Variants in SH3TC2 observed in about 807,000 individuals in gnomAD.
SH3TC2 encodes SH3 domain and tetratricopeptide repeats 2, also known as SH3 domain and tetratricopeptide repeat-containing protein 2.
In SH3TC2, 87 loss-of-function variants were observed where a neutral mutation model predicts 124.5. The ratio of observed to expected loss-of-function variants is 0.70; its 90% CI spans 0.59 to 0.84. SH3TC2 has a LOEUF of 0.84. Among genes scored for constraint, SH3TC2 ranks in the 40% least tolerant of loss-of-function variants. SH3TC2 has a pLI of 0.00. For missense variants in SH3TC2, 1,536 were observed against 1,566.4 expected, an observed-to-expected ratio of 0.98 and a Z score of 0.33; for synonymous variants, 634 against 628.5, an observed-to-expected ratio of 1.01 and a Z score of -0.13.
chr5:149,028,711 A>T lies in SH3TC2; in HGVS notation c.1143T>A (p.Phe381Leu), dbSNP rs1486345646. 6.2e-7 allele frequency: 1 copy of T among 1,614,040 alleles called. No individual in the cohort carries two copies. The highest frequency in any genetic ancestry group is 1.7e-5 in the Admixed American group (1 of 60,010). ...CATTTGGAGGATTCTGGATGGATTCAAACCCACCTAAGTAGAGATGAAGAA... is the reference window on the plus strand; with the variant it reads ...CATTTGGAGGATTCTGGATGGATTCTAACCCACCTAAGTAGAGATGAAGAA... ...DITSVYRLSGFESIQNPPNDL... is the reference protein window; with the variant it reads ...DITSVYRLSGLESIQNPPNDL... The change falls in exon 10 of 17, where the codon TTT becomes TTA. Residue 381 changes from phenylalanine (F) to leucine (L), a missense_variant. Phe to Leu is a conservative substitution (Grantham distance 22). This residue lies in a region of SH3TC2 where 1,102 missense variants were observed against 1,098.6 expected (regional missense o/e 1.00). Coordinates refer to ENST00000515425, the MANE Select transcript of SH3TC2 (RefSeq NM_024577.4).
intron 2 of SH3TC2, 75 bp downstream of exon 2, chr5:149,052,067 T>G: frequency 1.9e-6 from 2 of 1,065,174 alleles, no homozygotes; most frequent in Non-Finnish European, 2.9e-6. Context: ...GAGGGGCTCT[T>G]TAGATGGGAA....
intron 12 of SH3TC2, among the ~76,000 whole-genome samples, chr5:149,022,973 C>T (rs1024794268): frequency 6.6e-6 from 1 of 152,172 alleles, no homozygotes; most frequent in African/African-American, 2.4e-5. Flanking sequence ...GTGATGGTTA[C>T]ACAACTGTGT....
rs1753261892 is a variant in SH3TC2 at position 148,982,243 on chromosome 5, C to CT, written c.*22467dup. On this transcript the variant is annotated 3_prime_UTR_variant, in exon 17 of 17. Coordinates refer to ENST00000515425, the MANE Select transcript of SH3TC2 (RefSeq NM_024577.4). ...AAACACTCAAAGACAACATTAGTAA[C>CT]TGGCTGTGTTGGGGAGGGCCTGAGG... 6.6e-6 allele frequency among the ~76,000 whole-genome samples: 1 copy of CT among 152,028 alleles called. No homozygotes were observed. The highest frequency in any genetic ancestry group is 2.4e-5 in the African/African-American group (1 of 41,398).
At chr5:149,030,683 C>T (rs1754175572) in intron 9 of SH3TC2, among the ~76,000 whole-genome samples, 1 of 152,246 alleles carries the variant, frequency 6.6e-6, no homozygotes. Flanking sequence ...ACGGACATAG[C>T]TCTCAACTCC....
chr5:149,029,385 G>A (rs1019160071), intron 9 of SH3TC2, among the ~76,000 whole-genome samples: 3 of 152,188 alleles, frequency 2.0e-5, no homozygotes, highest in Non-Finnish European at 4.4e-5. Context: ...GACCTTTGGG[G>A]TTTGAGGTAG....
rs185251230 is a variant in SH3TC2 at position 148,986,235 on chromosome 5, A to T, written c.*18476T>A. On this transcript the variant is annotated 3_prime_UTR_variant, in exon 17 of 17. Coordinates refer to ENST00000515425, the MANE Select transcript of SH3TC2 (RefSeq NM_024577.4). The stretch of plus-strand genomic sequence containing the variant: ...TTTTTGTAAGAACAAGAGAAAAAAA[A>T]TGTATCTGAAATCAGAAAGCAATTA... Among the ~76,000 whole-genome samples the T allele has an allele frequency of 6.6e-6, 1 of 151,742 alleles. No individual in the cohort carries two copies. The highest frequency in any genetic ancestry group is 1.9e-4 in the East Asian group (1 of 5,204).
At chr5:149,034,537 A>G in intron 8 of SH3TC2, 1 of 389,280 alleles carries the variant, frequency 2.6e-6, no homozygotes, top group Non-Finnish European at 5.1e-6. Context: ...AAAATAAATA[A>G]ATATAATATC....
At chr5:149,037,509 T>C (rs1754302513) in intron 8 of SH3TC2, among the ~76,000 whole-genome samples, 1 of 152,220 alleles carries the variant, frequency 6.6e-6, no homozygotes, top group Non-Finnish European at 1.5e-5. Context: ...AGAGAAAGAA[T>C]TTAAGTCTCT....
Position 149,010,257 on chromosome 5 carries a change from A to C in SH3TC2, c.3327+13T>G. 1 of 1,614,194 alleles carries C rather than the reference A, an allele frequency of 6.2e-7. No homozygotes were observed. The highest frequency in any genetic ancestry group is 1.7e-5 in the Admixed American group (1 of 60,026). On this transcript the variant is annotated intron_variant, in intron 14 of 16. Transcript: ENST00000515425. The stretch of plus-strand genomic sequence containing the variant: ...CAGGACCTGTCTCAGCAAACTGCAC[A>C]GCTTGGACTTACTCGGTAGTACTCC...
At chr5:149,060,995 G>C (rs1371738985) in intron 1 of SH3TC2, among the ~76,000 whole-genome samples, 2 of 152,138 alleles carry the variant, frequency 1.3e-5, no homozygotes, top group South Asian at 4.1e-4. Context: ...TATCCAGATC[G>C]ACTGGACTTG....
rs375034766 is a variant in SH3TC2, at chr5:149,027,240, C to T, written c.2492G>A (p.Ser831Asn). 143 of 1,614,078 alleles carry T rather than the reference C, an allele frequency of 8.9e-5. No individual in the cohort carries two copies. The highest frequency in any genetic ancestry group is 1.0e-4 in the Non-Finnish European group (121 of 1,180,038). ...PLLCSLKETESLTQRGVIYNL... is the reference protein window; with the variant it reads ...PLLCSLKETENLTQRGVIYNL... The stretch of plus-strand genomic sequence containing the variant: ...ATAGATGACTCCCCTTTGAGTGAGA[C>T]TCTCTGTCTCCTTCAGGGAGCATAG... The change falls in exon 11 of 17, where the codon AGT (serine) becomes AAT (asparagine). Residue 831 changes from serine to asparagine, a missense_variant. Physicochemically the swap from Ser to Asn is conservative, Grantham distance 46. Transcript: ENST00000515425.
rs1328178101 is a variant in SH3TC2 at position 149,047,907 on chromosome 5, G to A, written c.234C>T (p.Leu78=). The A allele has an allele frequency of 1.9e-6, 3 of 1,614,144 alleles. No individual in the cohort carries two copies. The highest frequency in any genetic ancestry group is 2.5e-6 in the Non-Finnish European group (3 of 1,180,034). Residue 78 remains leucine (L), a synonymous_variant, in exon 3 of 17, where the codon CTC becomes CTT. Transcript: ENST00000515425. ...GPLQEAARRR[L]WALENEDQEV... Reference sequence around the variant, plus strand: ...CCTGGTCCTCATTCTCCAGTGCCCAGAGCCGCCTCCGAGCAGCTTCCTGTA... The same window carrying A: ...CCTGGTCCTCATTCTCCAGTGCCCAAAGCCGCCTCCGAGCAGCTTCCTGTA...
At chr5:149,030,148 T>C (rs1263332456) in intron 9 of SH3TC2, among the ~76,000 whole-genome samples, 1 of 152,182 alleles carries the variant, frequency 6.6e-6, no homozygotes, top group Non-Finnish European at 1.5e-5. Context: ...ACGCCCCTCT[T>C]GGGCCACCTC....
In SH3TC2 at chr5:149,052,034, C is replaced by A. The variant is rs558278301; in HGVS notation, c.151+108G>T. The A allele has an allele frequency of 2.2e-4, 187 of 836,616 alleles. 2 individuals carry two copies. In the Middle Eastern group the frequency reaches 5.1e-3, roughly 23 times the overall value. 51.8% of individuals were successfully genotyped at this position (836,616 alleles called of 1,614,324 possible). ...AGCAAGCAAATAGCATAGTCAAAATCTTTTCATCAAGAGGGAAAGAGGGAG... is the reference window on the plus strand; with the variant it reads ...AGCAAGCAAATAGCATAGTCAAAATATTTTCATCAAGAGGGAAAGAGGGAG... On this transcript the variant is annotated intron_variant, in intron 2 of 16. Coordinates refer to ENST00000515425, the MANE Select transcript of SH3TC2 (RefSeq NM_024577.4).
chr5:149,011,395 T>G (rs1753780633), intron 13 of SH3TC2, among the ~76,000 whole-genome samples: 1 of 152,136 alleles, frequency 6.6e-6, no homozygotes, highest in Admixed American at 6.5e-5. Context: ...TCCCACAACA[T>G]GAAAGGAGAA....
chr5:149,053,150 T>A (rs1447222318), intron 1 of SH3TC2, among the ~76,000 whole-genome samples: 1 of 152,214 alleles, frequency 6.6e-6, no homozygotes, highest in Non-Finnish European at 1.5e-5. Context: ...TTTAATGTGC[T>A]TATAAAATTG....
chr5:148,996,303 C>A lies in SH3TC2; in HGVS notation c.*8408G>T, dbSNP rs1199019184. ...AGAGAGAGAGAAACAGACAGATGGA[C>A]TTTATACAACTTGGAAAGAAAGAAA... On this transcript the variant is annotated 3_prime_UTR_variant, in exon 17 of 17. Coordinates refer to ENST00000515425, the MANE Select transcript of SH3TC2 (RefSeq NM_024577.4). Among the ~76,000 whole-genome samples the A allele has an allele frequency of 6.6e-6, 1 of 151,782 alleles. No individual in the cohort carries two copies. The highest frequency in any genetic ancestry group is 1.5e-5 in the Non-Finnish European group (1 of 67,944).
At chr5:149,029,564 GGGGAGTGA>G (rs969318960) in intron 9 of SH3TC2, among the ~76,000 whole-genome samples, 1 of 152,090 alleles carries the variant, frequency 6.6e-6, no homozygotes, top group Non-Finnish European at 1.5e-5. Context: ...AAAAGCAGCA[GGGGAGTGA>G]GGGAGTGAGG....
chr5:148,986,883 A>T lies in SH3TC2; in HGVS notation c.*17828T>A, dbSNP rs1432787668. 6.6e-6 allele frequency among the ~76,000 whole-genome samples: 1 copy of T among 152,234 alleles called. No individual in the cohort carries two copies. Among genetic ancestry groups the T allele is most frequent in the Non-Finnish European group, 1.5e-5 (1 of 68,050 alleles). On this transcript the variant is annotated 3_prime_UTR_variant, in exon 17 of 17. Transcript: ENST00000515425. ...TTGTTAAAACAGTTACACCCAAAAA[A>T]TGCTGAGATTATTTAACAATGCAAT...
Sources: allele counts gnomAD v4.1 joint callset (sites outside exome capture counted in the v4.1 genomes callset), GRCh38; gene constraint gnomAD v4.1.1; regional missense constraint gnomAD v4.1.1; transcripts MANE v1.5; gene names NCBI Gene and HGNC (gene_info 2026-07-23, HGNC 2026-07-21).